POLR1A: variants seen among roughly 807,000 people sequenced by gnomAD.
POLR1A encodes the protein DNA-directed RNA polymerase I subunit RPA1.
POLR1A carries 84 observed loss-of-function variants against 205.3 expected under a neutral mutation model. The ratio of observed to expected loss-of-function variants is 0.41; its 90% CI spans 0.34 to 0.49. The LOEUF is 0.49. POLR1A is among the 20% of genes least tolerant of loss of function. The probability of loss-of-function intolerance (pLI) is 0.22; values close to 1 mark genes in which losing one functional copy is unlikely to be tolerated. For missense variants in POLR1A, 1,645 were observed against 2,204.5 expected, an observed-to-expected ratio of 0.75 and a Z score of 5.08; for synonymous variants, 799 against 863.7, an observed-to-expected ratio of 0.93 and a Z score of 1.31.
intron 19 of POLR1A, 79 bp downstream of exon 19, chr2:86,047,086 C>G: frequency 1.1e-6 from 1 of 934,544 alleles, no homozygotes; most frequent in Non-Finnish European, 1.7e-6. Context: ...TTATAGGGAA[C>G]AAACTGAAAC....
At chr2:86,036,101 C>T (rs1010378649) in intron 27 of POLR1A, among the ~76,000 whole-genome samples, 6 of 152,194 alleles carry the variant, frequency 3.9e-5, no homozygotes, top group Admixed American at 6.5e-5. Flanking sequence ...TCCCGTCCCA[C>T]GTAAATAATT....
At chr2:86,047,342 C>T (rs1017137993) in intron 18 of POLR1A, 79 bp from the exon 19 acceptor site, 8 of 948,146 alleles carry the variant, frequency 8.4e-6, no homozygotes, top group Middle Eastern at 2.1e-4. Flanking sequence ...ATCCAGGAAG[C>T]AGAAGCAATA....
intron 30 of POLR1A, 57 bp from the exon 31 acceptor site, chr2:86,030,453 G>T: frequency 7.7e-7 from 1 of 1,297,432 alleles, no homozygotes. Flanking sequence ...CCACAAAGAG[G>T]ACTGAGGCGA....
rs745469631 is a variant in POLR1A at position 86,032,294 on chromosome 2, C to T, written c.4250G>A (p.Arg1417His). 12 of 1,612,164 alleles carry T rather than the reference C, an allele frequency of 7.4e-6. No individual in the cohort carries two copies. The highest frequency in any genetic ancestry group is 2.2e-5 in the East Asian group (1 of 44,874). ...CACCTCCTCCTCCTGCTTCTCCTTGCGTTTGGCATCAGAGGCATCGGCGTC... is the reference window on the plus strand; with the variant it reads ...CACCTCCTCCTCCTGCTTCTCCTTGTGTTTGGCATCAGAGGCATCGGCGTC... Reference protein sequence around the residue: ...EGDADASDAKRKEKQEEEVDY... With the variant: ...EGDADASDAKHKEKQEEEVDY... Residue 1417 changes from arginine to histidine, a missense_variant, in exon 29 of 34, where the codon CGC (arginine) becomes CAC (histidine). Physicochemically the swap from Arg to His is conservative, Grantham distance 29. Transcript: ENST00000263857.
At chr2:86,064,123 G>A (rs554692110) in intron 14 of POLR1A, among the ~76,000 whole-genome samples, 39 of 152,252 alleles carry the variant, frequency 2.6e-4, no homozygotes, top group African/African-American at 8.4e-4. Flanking sequence ...CTTCTGTCAC[G>A]GGTGAGATTT....
rs535141887 is a variant in POLR1A, at chr2:86,095,953, C to G, written c.432+2658G>C. On this transcript the variant is annotated intron_variant, in intron 3 of 33. Transcript: ENST00000263857. ...TCGTGTTAGCTAGGATGGTCTCGAT[C>G]TCCTGACCTTGTGATCCACCTGCCT... Among the ~76,000 whole-genome samples the G allele has an allele frequency of 2.3e-4, 35 of 152,208 alleles. No homozygotes were observed. In the South Asian group the frequency reaches 7.3e-3, roughly 32 times the overall value.
intron 2 of POLR1A, 88 bp downstream of exon 2, chr2:86,099,880 C>T: frequency 2.7e-6 from 3 of 1,113,014 alleles, no homozygotes; most frequent in Non-Finnish European, 4.1e-6. Context: ...TGGGGCTTAA[C>T]CTCCTTAGAC....
chr2:86,039,779 GCAACTAGCACCCACAGTGCTC>G (rs1672565427), intron 25 of POLR1A, among the ~76,000 whole-genome samples: 1 of 152,234 alleles, frequency 6.6e-6, no homozygotes, highest in South Asian at 2.1e-4. Context: ...TGCAGGGAAG[GCAACTAGCACCCACAGTGCTC>G]CTGCTGAGCT....
chr2:86,066,829 T>A (rs1021392777), intron 13 of POLR1A, among the ~76,000 whole-genome samples: 3 of 152,210 alleles, frequency 2.0e-5, no homozygotes. Context: ...CAAGATCAGA[T>A]GGAGCACACA....
At chr2:86,082,043 C>T (rs939347549) in intron 7 of POLR1A, among the ~76,000 whole-genome samples, 1 of 151,914 alleles carries the variant, frequency 6.6e-6, no homozygotes, top group South Asian at 2.1e-4. Context: ...GCTTGGTTGC[C>T]CAGGCTGGTC....
intron 18 of POLR1A, among the ~76,000 whole-genome samples, chr2:86,048,617 C>G (rs1231791130): frequency 1.3e-5 from 2 of 152,164 alleles, no homozygotes; most frequent in African/African-American, 2.4e-5. Context: ...GCAGTCACCC[C>G]AAAATAAAAA....
intron 24 of POLR1A, among the ~76,000 whole-genome samples, chr2:86,041,282 C>CTG (rs202216011): frequency 0.016 from 2,110 of 129,378 alleles, 31 homozygotes; most frequent in Non-Finnish European, 0.022. Context: ...TCTACAGTGT[C>CTG]TGTGTGTGTG....
At chr2:86,087,446 T>C (rs1022741982) in intron 6 of POLR1A, among the ~76,000 whole-genome samples, 3 of 152,218 alleles carry the variant, frequency 2.0e-5, no homozygotes, top group Non-Finnish European at 4.4e-5. Flanking sequence ...GCTTTAGGAA[T>C]GCCATTATAT....
chr2:86,068,780 G>A (rs1056333643), intron 13 of POLR1A, among the ~76,000 whole-genome samples: 1 of 152,230 alleles, frequency 6.6e-6, no homozygotes, highest in Non-Finnish European at 1.5e-5. Flanking sequence ...GGACCCTTGT[G>A]AAGCCACAGT....
intron 27 of POLR1A, among the ~76,000 whole-genome samples, chr2:86,035,001 G>A (rs1672468287): frequency 6.6e-6 from 1 of 152,094 alleles, no homozygotes; most frequent in Non-Finnish European, 1.5e-5. Context: ...CTTCTGAGTA[G>A]CTGGGATTAC....
chr2:86,070,012 A>C lies in POLR1A; in HGVS notation c.1866+6T>G. 1 of 1,611,400 alleles carries C rather than the reference A, an allele frequency of 6.2e-7. No individual in the cohort carries two copies. The highest frequency in any genetic ancestry group is 8.5e-7 in the Non-Finnish European group (1 of 1,178,614). On this transcript the variant is annotated splice_donor_region_variant and intron_variant, in intron 13 of 33. Transcript: ENST00000263857. The surrounding 1 kb of genome is among the most constrained non-coding windows in gnomAD (Gnocchi z 4.4). ...GACCACGGAACAGCCTCAAGGCCAG[A>C]CCTACCTTGGGAACAAGGTACTGCT...
chr2:86,102,501 T>C (rs371284443), intron 1 of POLR1A, among the ~76,000 whole-genome samples: 73 of 152,358 alleles, frequency 4.8e-4, no homozygotes, highest in African/African-American at 1.7e-3. Flanking sequence ...AGGAGTTCTT[T>C]TTATGTTCTA....
At chr2:86,079,167 A>C (rs1424337784) in intron 9 of POLR1A, among the ~76,000 whole-genome samples, 1 of 152,252 alleles carries the variant, frequency 6.6e-6, no homozygotes, top group Non-Finnish European at 1.5e-5. Flanking sequence ...CTTGTCATCA[A>C]ACCTGAGGAA....
intron 13 of POLR1A, chr2:86,065,767 A>G: frequency 3.4e-6 from 1 of 297,496 alleles, no homozygotes; most frequent in South Asian, 9.3e-5. Context: ...TAGTTACTCC[A>G]GCATATTTTT....
Sources: gnomAD v4.1 joint callset for allele counts (sites outside exome capture counted in the v4.1 genomes callset) on GRCh38, gnomAD v4.1.1 for gene constraint, Gnocchi (gnomAD v3.1) non-coding constraint, MANE v1.5 for transcripts, NCBI Gene and HGNC (gene_info 2026-07-23, HGNC 2026-07-21) for gene names.